PDGFD: variants seen among roughly 807,000 people sequenced by gnomAD.
The protein encoded by PDGFD is platelet derived growth factor D, also known as platelet-derived growth factor D.
PDGFD carries 30 observed loss-of-function variants against 44.7 expected under a neutral mutation model. The ratio of observed to expected loss-of-function variants is 0.67; its 90% CI spans 0.50 to 0.91. The LOEUF (loss-of-function observed/expected upper bound fraction) is 0.91. Ranked by LOEUF, PDGFD falls within the 40% of genes least tolerant of loss-of-function variation. The probability of loss-of-function intolerance (pLI) is 0.00; values close to 1 mark genes in which losing one functional copy is unlikely to be tolerated. For synonymous variants in PDGFD, 173 were observed against 168.4 expected, an observed-to-expected ratio of 1.03 and a Z score of -0.21; for missense variants, 445 against 457.8, an observed-to-expected ratio of 0.97 and a Z score of 0.25.
intron 3 of PDGFD, among the ~76,000 whole-genome samples, chr11:103,953,240 A>C (rs1027229856): frequency 6.6e-6 from 1 of 152,170 alleles, no homozygotes; most frequent in Non-Finnish European, 1.5e-5. Context: ...AAAAGAGATC[A>C]AAAACAAAAG....
At chr11:103,950,407 A>C (rs1429131483) in intron 3 of PDGFD, among the ~76,000 whole-genome samples, 1 of 150,742 alleles carries the variant, frequency 6.6e-6, no homozygotes, top group African/African-American at 2.4e-5. Context: ...AAAAAAAAAA[A>C]AAAAAAATTA....
chr11:103,957,608 C>T (rs1265186948), intron 3 of PDGFD, among the ~76,000 whole-genome samples: 2 of 152,042 alleles, frequency 1.3e-5, no homozygotes, highest in African/African-American at 4.8e-5. Context: ...GAAAAACAAG[C>T]AATGGTGAAA....
At chr11:104,119,514 T>TG (rs1591174445) in intron 1 of PDGFD, among the ~76,000 whole-genome samples, 1 of 31,626 alleles carries the variant, frequency 3.2e-5, no homozygotes, top group Non-Finnish European at 5.4e-5. Flanking sequence ...TATAATATAT[T>TG]AATATAATAT....
At chr11:104,017,082 T>A (rs139516599) in intron 1 of PDGFD, among the ~76,000 whole-genome samples, 452 of 152,250 alleles carry the variant, frequency 3.0e-3, no homozygotes, top group African/African-American at 0.01. Flanking sequence ...AGATTACGGA[T>A]TTATAAAACA....
intron 1 of PDGFD, among the ~76,000 whole-genome samples, chr11:104,059,492 CATAA>C (rs543657341): frequency 2.8e-4 from 43 of 152,174 alleles, no homozygotes; most frequent in Non-Finnish European, 5.4e-4. Flanking sequence ...GAACATTTTC[CATAA>C]ATATTTAGCA....
At chr11:103,985,118 A>T (rs183989115) in intron 3 of PDGFD, among the ~76,000 whole-genome samples, 1,207 of 44,624 alleles carry the variant, frequency 0.027, 81 homozygotes, top group African/African-American at 0.083. Context: ...TTTAATATAT[A>T]ATATATTAAT....
chr11:104,044,267 T>G (rs1860404913), intron 1 of PDGFD, among the ~76,000 whole-genome samples: 1 of 152,194 alleles, frequency 6.6e-6, no homozygotes, highest in African/African-American at 2.4e-5. Flanking sequence ...TTATTAATAA[T>G]TGTACCTTTA....
At chr11:104,100,095 G>A (rs1256877615) in intron 1 of PDGFD, among the ~76,000 whole-genome samples, 1 of 152,026 alleles carries the variant, frequency 6.6e-6, no homozygotes, top group African/African-American at 2.4e-5. Context: ...GAATGGAAGG[G>A]TTAATCTTTT....
intron 1 of PDGFD, among the ~76,000 whole-genome samples, chr11:104,083,796 G>A (rs960949097): frequency 1.1e-4 from 17 of 152,230 alleles, no homozygotes; most frequent in African/African-American, 3.9e-4. Flanking sequence ...GCAAGTCGGT[G>A]CATCCCATTT....
chr11:104,071,455 A>T (rs1250328108), intron 1 of PDGFD, among the ~76,000 whole-genome samples: 1 of 151,258 alleles, frequency 6.6e-6, no homozygotes, highest in Non-Finnish European at 1.5e-5. Context: ...TGTGTTATAT[A>T]TAAATTGTTT....
intron 5 of PDGFD, among the ~76,000 whole-genome samples, chr11:103,937,300 C>T (rs1389236107): frequency 1.3e-5 from 2 of 152,098 alleles, no homozygotes; most frequent in Non-Finnish European, 2.9e-5. Flanking sequence ...AGGTTTCCCT[C>T]CTTGCCATTA....
chr11:104,112,929 A>G (rs1591169919), intron 1 of PDGFD, among the ~76,000 whole-genome samples: 1 of 152,254 alleles, frequency 6.6e-6, no homozygotes, highest in African/African-American at 2.4e-5. Flanking sequence ...ACCAATGGGT[A>G]CTAGGTTTAA....
At chr11:103,987,815 G>A (rs577150077) in intron 3 of PDGFD, among the ~76,000 whole-genome samples, 9 of 151,610 alleles carry the variant, frequency 5.9e-5, no homozygotes, top group Non-Finnish European at 1.0e-4. Context: ...TGCAGGCAAC[G>A]CCCTCTTCCC....
intron 1 of PDGFD, among the ~76,000 whole-genome samples, chr11:104,099,084 G>A (rs1036343912): frequency 4.8e-4 from 73 of 152,088 alleles, no homozygotes; most frequent in Admixed American, 4.5e-3. Flanking sequence ...ACTAGGAGGC[G>A]AATGTGTTAG....
chr11:104,141,510 C>T (rs1210626583), intron 1 of PDGFD, among the ~76,000 whole-genome samples: 1 of 151,824 alleles, frequency 6.6e-6, no homozygotes, highest in Non-Finnish European at 1.5e-5. Context: ...TATTAGCTCA[C>T]TGTAAATTTG....
chr11:104,051,432 A>G (rs535694357), intron 1 of PDGFD, among the ~76,000 whole-genome samples: 3 of 152,278 alleles, frequency 2.0e-5, no homozygotes, highest in African/African-American at 7.2e-5. Context: ...TTCATTAATG[A>G]TGTGTAAGAT....
rs143486026 is a variant in PDGFD at position 104,070,022 on chromosome 11, C to T, written c.125-69767G>A. Among the ~76,000 whole-genome samples the T allele has an allele frequency of 2.3e-3, 333 of 145,940 alleles. 1 individual carries two copies. The highest frequency in any genetic ancestry group is 7.8e-3 in the African/African-American group (322 of 41,362). On this transcript the variant is annotated intron_variant, in intron 1 of 6. Transcript: ENST00000393158. Reference sequence around the variant, plus strand: ...TTCTCCCAGATTTGGCCGGTGGAAGCCCCTACATGTTGGACTTCATGTTCT... The same window carrying T: ...TTCTCCCAGATTTGGCCGGTGGAAGTCCCTACATGTTGGACTTCATGTTCT...
At chr11:104,028,773 T>C (rs993634035) in intron 1 of PDGFD, among the ~76,000 whole-genome samples, 2 of 132,120 alleles carry the variant, frequency 1.5e-5, no homozygotes, top group Non-Finnish European at 3.4e-5. Flanking sequence ...TTAAGTTGTT[T>C]TGAAGTAAAA....
chr11:103,993,902 C>A (rs1215947260), intron 3 of PDGFD, among the ~76,000 whole-genome samples: 3 of 151,734 alleles, frequency 2.0e-5, no homozygotes, highest in African/African-American at 7.3e-5. Flanking sequence ...GAAAAATACA[C>A]AAGAATGTTG....
Sources: gnomAD v4.1 joint callset for allele counts (sites outside exome capture counted in the v4.1 genomes callset) on GRCh38, gnomAD v4.1.1 for gene constraint, MANE v1.5 for transcripts, NCBI Gene and HGNC (gene_info 2026-07-23, HGNC 2026-07-21) for gene names.